The following AUTS2 variants were observed in gnomAD, a reference collection of about 807,000 sequenced individuals.
AUTS2 encodes the protein activator of transcription and developmental regulator AUTS2, also known as autism susceptibility gene 2 protein.
Under a neutral mutation model 112.4 loss-of-function variants are expected in AUTS2, and 17 were observed. The ratio of observed to expected loss-of-function variants is 0.15; its 90% confidence interval spans 0.10 to 0.23. AUTS2 has a LOEUF of 0.23. AUTS2 is among the 10% of genes least tolerant of loss of function. The pLI is 1.00. For missense variants in AUTS2, 1,510 were observed against 1,701.6 expected (o/e 0.89, Z 1.98); for synonymous variants, 751 against 702.7 (o/e 1.07, Z -1.09).
At chr7:69,938,781 A>G (rs1457409278) in intron 2 of AUTS2, among the ~76,000 whole-genome samples, 1 of 152,212 alleles carries the variant, frequency 6.6e-6, no homozygotes, top group Non-Finnish European at 1.5e-5. Flanking sequence ...AACGTAGGCT[A>G]AGAAACAAGA....
chr7:70,628,034 G>A (rs1335359137), intron 5 of AUTS2, among the ~76,000 whole-genome samples: 1 of 152,192 alleles, frequency 6.6e-6, no homozygotes, highest in Non-Finnish European at 1.5e-5. Context: ...GCACAGGTAT[G>A]GAGGTGTGCA....
At chr7:70,600,137 C>G (rs1054809399) in intron 5 of AUTS2, among the ~76,000 whole-genome samples, 1 of 152,214 alleles carries the variant, frequency 6.6e-6, no homozygotes, top group African/African-American at 2.4e-5. Flanking sequence ...AACCACTGCT[C>G]CAAGGCAGCC....
At chr7:70,566,188 A>G (rs1801699831) in intron 5 of AUTS2, among the ~76,000 whole-genome samples, 2 of 152,200 alleles carry the variant, frequency 1.3e-5, no homozygotes, top group African/African-American at 2.4e-5. Flanking sequence ...CCTTTGGCCA[A>G]TTGTCACCAG....
At chr7:70,296,016 A>C (rs1427912912) in intron 4 of AUTS2, among the ~76,000 whole-genome samples, 1 of 152,150 alleles carries the variant, frequency 6.6e-6, no homozygotes, top group African/African-American at 2.4e-5. Flanking sequence ...AGAATGAGCC[A>C]TGCACCTTTC....
At position 70,251,182 on chromosome 7, in the gene AUTS2, G is replaced by A. The variant is rs184267028; in HGVS notation, c.660+116611G>A. Among the ~76,000 whole-genome samples, 15 of 151,530 alleles carry A rather than the reference G, an allele frequency of 9.9e-5. No homozygotes were observed. In the East Asian group the frequency reaches 2.5e-3, roughly 26 times the overall value. On this transcript the variant is annotated intron_variant, in intron 4 of 18. Coordinates refer to ENST00000342771, the MANE Select transcript of AUTS2 (RefSeq NM_015570.4). Reference sequence around the variant, plus strand: ...CAGGTTCATACAGTTCTCCTGCCTCGGCCTCCCAAGTAGCTGGGATTACAG... The same window carrying A: ...CAGGTTCATACAGTTCTCCTGCCTCAGCCTCCCAAGTAGCTGGGATTACAG...
At chr7:70,705,346 A>G (rs1241615754) in intron 6 of AUTS2, among the ~76,000 whole-genome samples, 2 of 152,106 alleles carry the variant, frequency 1.3e-5, no homozygotes, top group East Asian at 1.9e-4. Flanking sequence ...ATTGATTCCC[A>G]CTCGAGTAAT....
chr7:70,556,810 G>C (rs1199048342), intron 5 of AUTS2, among the ~76,000 whole-genome samples: 1 of 152,124 alleles, frequency 6.6e-6, no homozygotes, highest in Non-Finnish European at 1.5e-5. Flanking sequence ...CAGATACCTT[G>C]ATGTAATTAT....
intron 4 of AUTS2, among the ~76,000 whole-genome samples, chr7:70,296,022 C>T (rs907135157): frequency 1.3e-5 from 2 of 152,098 alleles, no homozygotes; most frequent in Non-Finnish European, 2.9e-5. Context: ...AGCCATGCAC[C>T]TTTCCTTCGT....
At chr7:69,821,916 C>CA (rs34912846) in intron 1 of AUTS2, among the ~76,000 whole-genome samples, 1,747 of 76,516 alleles carry the variant, frequency 0.023, 39 homozygotes, top group African/African-American at 0.038. Context: ...ACAGGGTCTC[C>CA]AAAAAAAAAA....
At chr7:69,835,951 C>T (rs1481915531) in intron 1 of AUTS2, among the ~76,000 whole-genome samples, 1 of 152,182 alleles carries the variant, frequency 6.6e-6, no homozygotes, top group Non-Finnish European at 1.5e-5. Context: ...GCAGCAGCAG[C>T]TCATTGTCCT....
chr7:70,401,055 A>G (rs1486849454), intron 4 of AUTS2, among the ~76,000 whole-genome samples: 2 of 152,130 alleles, frequency 1.3e-5, no homozygotes, highest in African/African-American at 2.4e-5. Context: ...GAAGAATCAG[A>G]TATGGGAGGT....
At chr7:70,218,129 T>G (rs938586681) in intron 4 of AUTS2, among the ~76,000 whole-genome samples, 3 of 152,242 alleles carry the variant, frequency 2.0e-5, no homozygotes, top group Non-Finnish European at 2.9e-5. Flanking sequence ...AACTGCTCAT[T>G]AAGTAACAGG....
Position 70,696,966 on chromosome 7 carries a change from A to G in AUTS2, c.691-1603A>G, listed in dbSNP as rs73435066. On this transcript the variant is annotated intron_variant, in intron 5 of 18. Coordinates refer to ENST00000342771, the MANE Select transcript of AUTS2 (RefSeq NM_015570.4). ...AGAATTCCAACCCGTTCTAAGAAAC[A>G]CTTTTTCATGAAAGGATGGTAAAAT... Among the ~76,000 whole-genome samples, 1,141 of 152,336 alleles carry G rather than the reference A, an allele frequency of 7.5e-3. 15 individuals carry two copies. Among genetic ancestry groups the G allele is most frequent in the African/African-American group, 0.025 (1,054 of 41,554 alleles).
chr7:70,184,310 T>C (rs1809487216), intron 4 of AUTS2, among the ~76,000 whole-genome samples: 1 of 152,180 alleles, frequency 6.6e-6, no homozygotes, highest in African/African-American at 2.4e-5. Flanking sequence ...AATGCCATTG[T>C]TGGGAAGCAG....
At chr7:70,414,047 C>T (rs1401532513) in intron 4 of AUTS2, among the ~76,000 whole-genome samples, 1 of 152,182 alleles carries the variant, frequency 6.6e-6, no homozygotes, top group Admixed American at 6.5e-5. Context: ...TCATATCCTC[C>T]TGGATTTGAA....
chr7:69,599,625 A>G lies in AUTS2; in HGVS notation c.-29A>G, dbSNP rs2129067281. The G allele has an allele frequency of 7.9e-7, 1 of 1,271,536 alleles. No individual in the cohort carries two copies. Among genetic ancestry groups the G allele is most frequent in the Non-Finnish European group, 9.9e-7 (1 of 1,010,744 alleles). The allele number at this position is 1,271,536 out of a possible 1,614,324, so 78.8% of individuals were successfully genotyped here. A position where few individuals can be genotyped will look rare whatever the true frequency, so the allele number is the denominator to read the frequency against. The stretch of plus-strand genomic sequence containing the variant: ...GCTGCGGCCGTAGCCTGTGGCGGGC[A>G]AGCGGGGAGACCCCGGCGCAGCAGA... On this transcript the variant is annotated 5_prime_UTR_variant, in exon 1 of 19. Coordinates refer to ENST00000342771, the MANE Select transcript of AUTS2 (RefSeq NM_015570.4). The surrounding 1 kb of genome is among the most constrained non-coding windows in gnomAD (Gnocchi z 7.0).
chr7:69,830,003 T>C (rs1791429569), intron 1 of AUTS2, among the ~76,000 whole-genome samples: 1 of 152,098 alleles, frequency 6.6e-6, no homozygotes, highest in Admixed American at 6.5e-5. Flanking sequence ...CCATCAGTGA[T>C]AGACTGGATA....
At chr7:70,351,193 G>C (rs1426175255) in intron 4 of AUTS2, among the ~76,000 whole-genome samples, 2 of 152,096 alleles carry the variant, frequency 1.3e-5, no homozygotes, top group African/African-American at 4.8e-5. Flanking sequence ...TGGGATTACA[G>C]GCGTGCGCCA....
chr7:69,824,554 G>C (rs1054806985), intron 1 of AUTS2: 1 of 150,994 alleles, frequency 6.6e-6, no homozygotes, highest in African/African-American at 2.4e-5. Flanking sequence ...TTTAATCGCC[G>C]ATCTTGGTTG....
Sources: gnomAD v4.1 joint callset for allele counts (sites outside exome capture counted in the v4.1 genomes callset) on GRCh38, gnomAD v4.1.1 for gene constraint, Gnocchi (gnomAD v3.1) non-coding constraint, MANE v1.5 for transcripts, NCBI Gene and HGNC (gene_info 2026-07-23, HGNC 2026-07-21) for gene names.